The following CACNA2D3 variants were observed in gnomAD, a reference collection of about 807,000 sequenced individuals.
CACNA2D3 encodes the protein voltage-dependent calcium channel subunit alpha-2/delta-3.
A neutral mutation model predicts 160.6 loss-of-function variants in CACNA2D3; 60 were observed. The ratio of observed to expected loss-of-function variants is 0.37; its 90% confidence interval spans 0.30 to 0.46. CACNA2D3 has a LOEUF of 0.46. Among genes scored for constraint, CACNA2D3 ranks in the 20% least tolerant of loss-of-function variants. The pLI is 1.00. For missense variants in CACNA2D3, 1,205 were observed against 1,365.0 expected (o/e 0.88, Z 1.85); for synonymous variants, 558 against 492.9 (o/e 1.13, Z -1.75).
chr3:54,928,224 G>A (rs1418090859), intron 27 of CACNA2D3: 7 of 413,370 alleles, frequency 1.7e-5, no homozygotes, highest in Non-Finnish European at 3.0e-5. Context: ...ACGATGAGCC[G>A]CGTAAAGAAT....
At chr3:55,013,225 A>G (rs1283470347) in intron 34 of CACNA2D3, among the ~76,000 whole-genome samples, 1 of 152,112 alleles carries the variant, frequency 6.6e-6, no homozygotes, top group Non-Finnish European at 1.5e-5. Context: ...GACTGCTAGA[A>G]TTTGCCACCA....
intron 4 of CACNA2D3, among the ~76,000 whole-genome samples, chr3:54,443,304 A>T (rs1429587192): frequency 1.4e-5 from 2 of 142,002 alleles, no homozygotes; most frequent in African/African-American, 5.2e-5. Context: ...GTGGTTGTTT[A>T]GTTTTGTCAT....
At chr3:54,700,965 A>G (rs2106947384) in intron 11 of CACNA2D3, among the ~76,000 whole-genome samples, 1 of 152,322 alleles carries the variant, frequency 6.6e-6, no homozygotes, top group East Asian at 1.9e-4. Flanking sequence ...GTCCCAGCAT[A>G]TTCTCAAAAA....
intron 35 of CACNA2D3, among the ~76,000 whole-genome samples, chr3:55,027,489 CA>C (rs1047436670): frequency 6.6e-6 from 1 of 152,148 alleles, no homozygotes; most frequent in Non-Finnish European, 1.5e-5. Flanking sequence ...CAATGGCCAG[CA>C]TGATTGGTGG....
intron 13 of CACNA2D3, among the ~76,000 whole-genome samples, chr3:54,807,412 C>A (rs1260796525): frequency 1.3e-5 from 2 of 152,216 alleles, no homozygotes; most frequent in Admixed American, 6.5e-5. Flanking sequence ...GCAGACACTT[C>A]TCAAAAGAAG....
chr3:54,124,641 C>A (rs1405415770), intron 2 of CACNA2D3, among the ~76,000 whole-genome samples: 1 of 152,202 alleles, frequency 6.6e-6, no homozygotes, highest in Non-Finnish European at 1.5e-5. Flanking sequence ...CAGAGAGTAG[C>A]ATTTTTGGGG....
intron 3 of CACNA2D3, among the ~76,000 whole-genome samples, chr3:54,320,904 TG>T (rs1703974088): frequency 6.6e-6 from 1 of 152,252 alleles, no homozygotes; most frequent in Non-Finnish European, 1.5e-5. Context: ...AGCTCTAGTC[TG>T]AGCATTTTCT....
intron 2 of CACNA2D3, among the ~76,000 whole-genome samples, chr3:54,223,990 C>G (rs1701622052): frequency 6.6e-6 from 1 of 152,194 alleles, no homozygotes; most frequent in South Asian, 2.1e-4. Context: ...TATTGTACAG[C>G]TGTAAAAAAT....
At chr3:54,509,062 G>C (rs1701416102) in intron 5 of CACNA2D3, among the ~76,000 whole-genome samples, 1 of 152,190 alleles carries the variant, frequency 6.6e-6, no homozygotes, top group Admixed American at 6.5e-5. Context: ...CAAATGTTGA[G>C]CTTGATAAAA....
chr3:54,576,230 G>A (rs1389215400), intron 8 of CACNA2D3, among the ~76,000 whole-genome samples: 1 of 152,158 alleles, frequency 6.6e-6, no homozygotes, highest in Non-Finnish European at 1.5e-5. Context: ...TCTGACATTA[G>A]GTGGGTTCCT....
chr3:54,810,315 G>C (rs1305037555), intron 13 of CACNA2D3, among the ~76,000 whole-genome samples: 3 of 152,188 alleles, frequency 2.0e-5, no homozygotes, highest in Non-Finnish European at 4.4e-5. Flanking sequence ...GTGGTGGCAT[G>C]GTGTGGGGTG....
intron 4 of CACNA2D3, among the ~76,000 whole-genome samples, chr3:54,474,432 A>G (rs1279588828): frequency 6.6e-6 from 1 of 152,136 alleles, no homozygotes; most frequent in Non-Finnish European, 1.5e-5. Flanking sequence ...TTTCATTAGG[A>G]GAAATACCTA....
intron 35 of CACNA2D3, among the ~76,000 whole-genome samples, chr3:55,068,452 T>C (rs549457820): frequency 6.6e-6 from 1 of 152,356 alleles, no homozygotes; most frequent in East Asian, 1.9e-4. Context: ...ACTTATTGAG[T>C]CCATTTACTC....
intron 14 of CACNA2D3, among the ~76,000 whole-genome samples, chr3:54,822,794 T>TCCTTCCTTC (rs1553874273): frequency 1.9e-4 from 12 of 63,266 alleles, no homozygotes; most frequent in Non-Finnish European, 3.3e-4. Context: ...TTCTTTCCTT[T>TCCTTCCTTC]CTTTCTTTCT....
chr3:54,843,862 G>A (rs1224372038), intron 16 of CACNA2D3, among the ~76,000 whole-genome samples: 1 of 152,202 alleles, frequency 6.6e-6, no homozygotes, highest in Non-Finnish European at 1.5e-5. Flanking sequence ...TGTGGTTGGT[G>A]GTGCCGCCTA....
chr3:55,051,830 G>C (rs71308071), intron 35 of CACNA2D3, among the ~76,000 whole-genome samples: 2 of 152,262 alleles, frequency 1.3e-5, no homozygotes, highest in South Asian at 2.1e-4. Context: ...TAAGCCCGTC[G>C]GAAAAGCGCA....
At chr3:55,032,880 C>G (rs1468557027) in intron 35 of CACNA2D3, among the ~76,000 whole-genome samples, 2 of 124,460 alleles carry the variant, frequency 1.6e-5, no homozygotes, top group Non-Finnish European at 3.1e-5. Context: ...AAGTAGTGCT[C>G]AGAAAGCTGT....
chr3:54,685,676 T>A (rs1243663132), intron 11 of CACNA2D3, among the ~76,000 whole-genome samples: 1 of 152,240 alleles, frequency 6.6e-6, no homozygotes, highest in Non-Finnish European at 1.5e-5. Context: ...TGCTCAGCAT[T>A]GTGGCTGACA....
intron 4 of CACNA2D3, among the ~76,000 whole-genome samples, chr3:54,408,353 G>A (rs1301115783): frequency 2.5e-4 from 38 of 152,070 alleles, no homozygotes; most frequent in Admixed American, 2.5e-3. Flanking sequence ...AATTAAAATT[G>A]CCTAACAGAC....
Sources: allele counts gnomAD v4.1 joint callset (sites outside exome capture counted in the v4.1 genomes callset), GRCh38; gene constraint gnomAD v4.1.1; transcripts MANE v1.5; gene names NCBI Gene and HGNC (gene_info 2026-07-23, HGNC 2026-07-21).